The following FDFT1 variants were observed in gnomAD, a reference collection of about 807,000 sequenced individuals.
FDFT1 encodes squalene synthase.
In FDFT1, 68 loss-of-function variants were observed where a neutral mutation model predicts 46.8. The ratio of observed to expected loss-of-function variants is 1.45; its 90% CI spans 1.19 to 1.78. The LOEUF (loss-of-function observed/expected upper bound fraction) is 1.78, where lower values mean the gene tolerates loss of function less well. FDFT1 is among the 40% of genes most tolerant of loss of function. The probability of loss-of-function intolerance (pLI) is 0.00; values close to 1 mark genes in which losing one functional copy is unlikely to be tolerated. For missense variants in FDFT1, 928 were observed against 524.4 expected, an observed-to-expected ratio of 1.77 and a Z score of -7.52; for synonymous variants, 351 against 185.1, an observed-to-expected ratio of 1.90 and a Z score of -7.28.
chr8:11,808,642 C>T (rs1807235484), intron 1 of FDFT1, 152 bp from the exon 2 acceptor site: 3 of 1,400,068 alleles, frequency 2.1e-6, no homozygotes, highest in African/African-American at 1.5e-5. Flanking sequence ...TGCTTGCCTC[C>T]TGCCGCCTGG....
At position 11,838,671 on chromosome 8, in the gene FDFT1, T is replaced by TG; in HGVS notation, c.*64dup. The TG allele has an allele frequency of 8.0e-7, 1 of 1,247,960 alleles. No homozygotes were observed. The highest frequency in any genetic ancestry group is 1.2e-6 in the Non-Finnish European group (1 of 848,900). 77.3% of individuals were successfully genotyped at this position (1,247,960 alleles called of 1,614,324 possible). On this transcript the variant is annotated 3_prime_UTR_variant, in exon 8 of 8. Coordinates refer to ENST00000220584, the MANE Select transcript of FDFT1 (RefSeq NM_004462.5). ...TGGATTTACTTTTTTTCTTTAAGGA[T>TG]GGATGTTGTGTTCTCTTTATTTTTT...
chr8:11,806,451 A>T (rs1806845680), intron 1 of FDFT1, among the ~76,000 whole-genome samples: 2 of 152,180 alleles, frequency 1.3e-5, no homozygotes, highest in South Asian at 4.1e-4. Flanking sequence ...CAAATAGGTG[A>T]CAGGAAAAAG....
At position 11,814,300 on chromosome 8, in the gene FDFT1, G is replaced by GTC. The variant is rs2130764874; in HGVS notation, c.381+4451_381+4452insCT. 8.0e-5 allele frequency among the ~76,000 whole-genome samples: 11 copies of GTC among 138,000 alleles called. No homozygotes were observed. The South Asian group carries it at 2.5e-3, about 32-fold the overall frequency. The allele number at this position is 138,000 out of a possible 152,430, so 90.5% of individuals were successfully genotyped here. On this transcript the variant is annotated intron_variant, in intron 3 of 7. Transcript: ENST00000220584. ...TGGAAGTACCAGATTGATTTTATAGGTTTTTTTTTTTTTTTTTGGAGGGAC... is the reference window on the plus strand; with the variant it reads ...TGGAAGTACCAGATTGATTTTATAGGTCTTTTTTTTTTTTTTTTTGGAGGGAC...
chr8:11,799,696 C>G (rs571225413), upstream of FDFT1, among the ~76,000 whole-genome samples: 1 of 151,194 alleles, frequency 6.6e-6, no homozygotes, highest in Admixed American at 6.6e-5. Flanking sequence ...GCCTGTAATC[C>G]CAGTACCTGG....
chr8:11,818,609 T>A lies in FDFT1; in HGVS notation c.382-3141T>A, dbSNP rs143099207. 9.3e-3 allele frequency among the ~76,000 whole-genome samples: 1,422 copies of A among 152,344 alleles called. 24 individuals are homozygous for A. The highest frequency in any genetic ancestry group is 0.033 in the African/African-American group (1,352 of 41,582). On this transcript the variant is annotated intron_variant, in intron 3 of 7. Coordinates refer to ENST00000220584, the MANE Select transcript of FDFT1 (RefSeq NM_004462.5). ...CTTGTTGAATTGATCCCTTTACCAT[T>A]ATGTAGTGGCCTTCTTTGTCTCTTT...
upstream of FDFT1, chr8:11,802,427 T>G (rs1038638027): frequency 2.2e-6 from 1 of 458,714 alleles, no homozygotes; most frequent in Non-Finnish European, 4.4e-6. Flanking sequence ...TCACCTCCAG[T>G]CCCCACAGCG....
chr8:11,806,929 A>G (rs1332777215), intron 1 of FDFT1, among the ~76,000 whole-genome samples: 4 of 152,210 alleles, frequency 2.6e-5, no homozygotes, highest in African/African-American at 9.7e-5. Context: ...GTTTTTACTA[A>G]TATTTTTTAT....
chr8:11,802,569 G>T (rs17524888), upstream of FDFT1: 8,003 of 613,898 alleles, frequency 0.013, 260 homozygotes, highest in Admixed American at 0.085. Flanking sequence ...CTCCTTCCGC[G>T]ACTGATTGGC....
At chr8:11,803,070 C>T in intron 1 of FDFT1, 139 bp downstream of exon 1, 2 of 1,450,236 alleles carry the variant, frequency 1.4e-6, no homozygotes, top group Non-Finnish European at 9.0e-7. Flanking sequence ...GTCCCCCTTT[C>T]CTCGAGCCTT....
intron 3 of FDFT1, among the ~76,000 whole-genome samples, chr8:11,819,903 C>T (rs747246351): frequency 3.3e-5 from 5 of 152,126 alleles, no homozygotes; most frequent in African/African-American, 7.2e-5. Flanking sequence ...TGAGGAGTTA[C>T]GTTCCTTTGG....
At position 11,808,304 on chromosome 8, in the gene FDFT1, G is replaced by A. The variant is rs1807149766; in HGVS notation, c.100-490G>A. 3.3e-6 allele frequency: 4 copies of A among 1,227,106 alleles called. No individual in the cohort carries two copies. In the South Asian group the frequency reaches 1.3e-4, roughly 38 times the overall value. 76.0% of individuals were successfully genotyped at this position (1,227,106 alleles called of 1,614,324 possible). On this transcript the variant is annotated intron_variant, in intron 1 of 7. Coordinates refer to ENST00000220584, the MANE Select transcript of FDFT1 (RefSeq NM_004462.5). ...GGAAGTGCGCTGGGTTCCCTTAGCG[G>A]CCAGTGGGTTCTGGTGAGAAGGGCA...
chr8:11,836,654 C>T (rs552097160), intron 7 of FDFT1, among the ~76,000 whole-genome samples: 1 of 152,242 alleles, frequency 6.6e-6, no homozygotes, highest in Non-Finnish European at 1.5e-5. Flanking sequence ...AAGGCTAAGA[C>T]AAGCAGTAAA....
chr8:11,817,822 AT>A (rs150361729), intron 3 of FDFT1, among the ~76,000 whole-genome samples: 507 of 148,946 alleles, frequency 3.4e-3, no homozygotes, highest in South Asian at 0.016. Flanking sequence ...GGATTCATTA[AT>A]TTTTTTTTTT....
intron 5 of FDFT1, among the ~76,000 whole-genome samples, chr8:11,829,522 G>C (rs1479919472): frequency 6.6e-6 from 1 of 152,220 alleles, no homozygotes; most frequent in Non-Finnish European, 1.5e-5. Context: ...TCATTATTTA[G>C]AGGCCTGGCC....
At chr8:11,801,532 C>G (rs1474354576), upstream of FDFT1, among the ~76,000 whole-genome samples, 1 of 152,142 alleles carries the variant, frequency 6.6e-6, no homozygotes, top group African/African-American at 2.4e-5. Flanking sequence ...GTTGGCCAGG[C>G]TGGTCTTGAA....
At chr8:11,803,296 T>C in intron 1 of FDFT1, 1 of 1,312,512 alleles carries the variant, frequency 7.6e-7, no homozygotes, top group Non-Finnish European at 1.0e-6. Flanking sequence ...GAGTGAGTTT[T>C]TTGGTAAGCG....
chr8:11,827,595 A>G (rs1810176426), intron 5 of FDFT1, among the ~76,000 whole-genome samples: 1 of 152,194 alleles, frequency 6.6e-6, no homozygotes, highest in African/African-American at 2.4e-5. Flanking sequence ...CTAATATTAA[A>G]AAAAACTTCT....
At chr8:11,814,141 C>T (rs1013627320) in intron 3 of FDFT1, among the ~76,000 whole-genome samples, 5 of 152,152 alleles carry the variant, frequency 3.3e-5, no homozygotes, top group South Asian at 2.1e-4. Flanking sequence ...GTGGAATGAG[C>T]AGAGTCCAAC....
chr8:11,821,976 A>G lies in FDFT1; in HGVS notation c.510+98A>G, dbSNP rs370641317. 158 of 1,421,500 alleles carry G rather than the reference A, an allele frequency of 1.1e-4. 1 individual carries two copies. The highest frequency in any genetic ancestry group is 1.0e-3 in the African/African-American group (73 of 70,516). 88.1% of individuals were successfully genotyped at this position (1,421,500 alleles called of 1,614,324 possible). A position where few individuals can be genotyped will look rare whatever the true frequency, so the allele number is the denominator to read the frequency against. The stretch of plus-strand genomic sequence containing the variant: ...ACAAGAAAAGTTGTCCAGTATTTTC[A>G]GCCCCTCTGGTTTTACAATTCATCT... On this transcript the variant is annotated intron_variant, in intron 4 of 7. Transcript: ENST00000220584.
Sources: gnomAD v4.1 joint callset for allele counts (sites outside exome capture counted in the v4.1 genomes callset) on GRCh38, gnomAD v4.1.1 for gene constraint, MANE v1.5 for transcripts, NCBI Gene and HGNC (gene_info 2026-07-23, HGNC 2026-07-21) for gene names.